Variants in STX8 observed in about 807,000 individuals in gnomAD.
The protein encoded by STX8 is syntaxin 8.
In STX8, 23 loss-of-function variants were observed where a neutral mutation model predicts 37.5. That is an observed-to-expected ratio of 0.61 (90% CI 0.44 to 0.87). The LOEUF (loss-of-function observed/expected upper bound fraction) is 0.87, where lower values mean the gene tolerates loss of function less well. Ranked by LOEUF, STX8 falls within the 40% of genes least tolerant of loss-of-function variation. The pLI is 0.00. For missense variants in STX8, 313 were observed against 284.7 expected (o/e 1.10, Z -0.71); for synonymous variants, 115 against 99.1 (o/e 1.16, Z -0.95).
At chr17:9,345,848 C>CTTTTTTTTTTTTTTTTTTTTTTTTTTTT (rs545020159) in intron 7 of STX8, among the ~76,000 whole-genome samples, 1 of 52,076 alleles carries the variant, frequency 1.9e-5, no homozygotes, top group Non-Finnish European at 3.4e-5. Context: ...TTATGCATTC[C>CTTTTTTTTTTTTTTTTTTTTTTTTTTTT]TTTTTTTTTT....
intron 3 of STX8, among the ~76,000 whole-genome samples, chr17:9,549,835 C>T (rs899580911): frequency 6.6e-6 from 1 of 152,132 alleles, no homozygotes; most frequent in African/African-American, 2.4e-5. Flanking sequence ...AGGAAACAAT[C>T]TATACAGCAT....
chr17:9,509,205 C>T (rs940471824), intron 4 of STX8, among the ~76,000 whole-genome samples: 6 of 152,166 alleles, frequency 3.9e-5, no homozygotes, highest in South Asian at 2.1e-4. Flanking sequence ...GCTGAGACCA[C>T]GCTACTGCAC....
chr17:9,365,916 T>G (rs1911215502), intron 7 of STX8, among the ~76,000 whole-genome samples: 1 of 152,030 alleles, frequency 6.6e-6, no homozygotes, highest in Non-Finnish European at 1.5e-5. Flanking sequence ...GAGGTTGCAG[T>G]GAGCTGAGAT....
chr17:9,297,265 A>T (rs1908596405), intron 7 of STX8, among the ~76,000 whole-genome samples: 1 of 151,990 alleles, frequency 6.6e-6, no homozygotes, highest in Admixed American at 6.6e-5. Flanking sequence ...AAAGAAAAAA[A>T]AAGAAAAAGT....
intron 2 of STX8, among the ~76,000 whole-genome samples, chr17:9,559,485 A>G (rs1397752588): frequency 1.3e-5 from 2 of 151,752 alleles, no homozygotes; most frequent in Non-Finnish European, 2.9e-5. Flanking sequence ...GAATAAACAT[A>G]TGATTAGTAC....
intron 6 of STX8, chr17:9,467,297 A>C (rs1411636928): frequency 6.6e-6 from 1 of 152,144 alleles, no homozygotes; most frequent in Non-Finnish European, 1.5e-5. Context: ...GAAGTTAAGT[A>C]ATTTGCCAAA....
chr17:9,262,045 C>T (rs939106171), intron 7 of STX8, among the ~76,000 whole-genome samples: 1 of 152,188 alleles, frequency 6.6e-6, no homozygotes, highest in Admixed American at 6.5e-5. Flanking sequence ...GGACACCTGG[C>T]AGGGCGACAC....
At chr17:9,352,784 G>A (rs1384631129) in intron 7 of STX8, among the ~76,000 whole-genome samples, 1 of 151,934 alleles carries the variant, frequency 6.6e-6, no homozygotes, top group African/African-American at 2.4e-5. Flanking sequence ...TTTTTTTTAA[G>A]TATCACTGTG....
chr17:9,348,100 G>A (rs1188830032), intron 7 of STX8, among the ~76,000 whole-genome samples: 2 of 152,086 alleles, frequency 1.3e-5, no homozygotes, highest in African/African-American at 2.4e-5. Flanking sequence ...CTGTGTGACA[G>A]GTGGTATTTC....
At chr17:9,440,772 G>T (rs188568292) in intron 6 of STX8, among the ~76,000 whole-genome samples, 54 of 152,070 alleles carry the variant, frequency 3.6e-4, no homozygotes, top group Admixed American at 9.2e-4. Context: ...TGATCCACCC[G>T]CCTCGGCCTC....
intron 3 of STX8, chr17:9,553,932 A>G (rs1004830203): frequency 1.3e-5 from 2 of 152,248 alleles, no homozygotes; most frequent in African/African-American, 4.8e-5. Context: ...GGTAATGACT[A>G]AAGCTCTCCA....
At chr17:9,567,740 G>A (rs1907518554) in intron 2 of STX8, among the ~76,000 whole-genome samples, 1 of 152,174 alleles carries the variant, frequency 6.6e-6, no homozygotes, top group South Asian at 2.1e-4. Context: ...AGGCGGGAGT[G>A]CAGTGGCACG....
Position 9,429,955 on chromosome 17 carries a change from T to G in STX8, c.542-51302A>C, listed in dbSNP as rs187510619. Reference sequence around the variant, plus strand: ...TATATTATATAGAATATATTATATATAATATATATATTATATATTATATAG... The same window carrying G: ...TATATTATATAGAATATATTATATAGAATATATATATTATATATTATATAG... On this transcript the variant is annotated intron_variant, in intron 6 of 7. Coordinates refer to ENST00000306357, the MANE Select transcript of STX8 (RefSeq NM_004853.3). Among the ~76,000 whole-genome samples the G allele has an allele frequency of 6.4e-3, 28 of 4,380 alleles. 6 individuals are homozygous for G. Among genetic ancestry groups the G allele is most frequent in the African/African-American group, 0.049 (24 of 494 alleles). The allele number at this position is 4,380 out of a possible 152,430, so 2.9% of individuals were successfully genotyped here.
rs56156370 is a variant in STX8, at chr17:9,285,413, T to TAA, written c.644-34770_644-34769dup. 3.8e-3 allele frequency among the ~76,000 whole-genome samples: 413 copies of TAA among 108,432 alleles called. 1 individual carries two copies. The highest frequency in any genetic ancestry group is 4.8e-3 in the Admixed American group (53 of 11,006). The allele number at this position is 108,432 out of a possible 152,430, so 71.1% of individuals were successfully genotyped here. A position where few individuals can be genotyped will look rare whatever the true frequency, so the allele number is the denominator to read the frequency against. ...CCAGTGTAGAGGTCCAAAGTAGTGA[T>TAA]AAAAAAAAAAAAAAAAAAGGAGAAA... On this transcript the variant is annotated intron_variant, in intron 7 of 7. Coordinates refer to ENST00000306357, the MANE Select transcript of STX8 (RefSeq NM_004853.3).
chr17:9,476,741 C>A (rs1460095886), intron 6 of STX8, among the ~76,000 whole-genome samples: 2 of 152,198 alleles, frequency 1.3e-5, no homozygotes, highest in African/African-American at 2.4e-5. Flanking sequence ...GTGTGAGCCA[C>A]CGCACCCAGC....
intron 6 of STX8, among the ~76,000 whole-genome samples, chr17:9,414,401 T>A (rs1390953288): frequency 6.6e-6 from 1 of 152,052 alleles, no homozygotes; most frequent in Admixed American, 6.6e-5. Flanking sequence ...GAAAATTAAA[T>A]TTTTAAGCCC....
intron 3 of STX8, among the ~76,000 whole-genome samples, chr17:9,546,508 G>A (rs964861336): frequency 5.3e-5 from 8 of 151,030 alleles, no homozygotes; most frequent in African/African-American, 7.3e-5. Flanking sequence ...GGGAAGTGGC[G>A]TCTGTCAACA....
intron 6 of STX8, among the ~76,000 whole-genome samples, chr17:9,438,980 G>A (rs533218365): frequency 6.6e-6 from 1 of 152,078 alleles, no homozygotes; most frequent in South Asian, 2.1e-4. Flanking sequence ...AAACATGGCT[G>A]GTTTTTGTTT....
chr17:9,257,716 G>A (rs34940333), intron 7 of STX8, among the ~76,000 whole-genome samples: 39,179 of 152,200 alleles, frequency 0.26, 5,053 homozygotes, highest in Middle Eastern at 0.33. Context: ...GGCCAGGCGT[G>A]GTGACTTATG....
Sources: allele counts gnomAD v4.1 joint callset (sites outside exome capture counted in the v4.1 genomes callset), GRCh38; gene constraint gnomAD v4.1.1; transcripts MANE v1.5; gene names NCBI Gene and HGNC (gene_info 2026-07-23, HGNC 2026-07-21).